RHOBTB1: variants seen among roughly 807,000 people sequenced by gnomAD.
RHOBTB1 encodes the protein Rho related BTB domain containing 1.
In RHOBTB1, 40 loss-of-function variants were observed where a neutral mutation model predicts 71.6. The observed-to-expected ratio is 0.56, with a 90% CI of 0.43 to 0.73. The LOEUF is 0.73. Among genes scored for constraint, RHOBTB1 ranks in the 30% least tolerant of loss-of-function variants. The pLI is 0.00. For synonymous variants in RHOBTB1, 319 were observed against 334.9 expected (o/e 0.95, Z 0.52); for missense variants, 797 against 894.0 (o/e 0.89, Z 1.38).
intron 2 of RHOBTB1, among the ~76,000 whole-genome samples, chr10:60,974,911 T>G (rs1440646776): frequency 6.6e-6 from 1 of 151,604 alleles, no homozygotes; most frequent in African/African-American, 2.4e-5. Context: ...GATGACTGTA[T>G]TTTTTATAAG....
At chr10:60,989,978 CTTT>C (rs769184320) in intron 1 of RHOBTB1, among the ~76,000 whole-genome samples, 13 of 122,294 alleles carry the variant, frequency 1.1e-4, no homozygotes, top group African/African-American at 2.9e-4. Flanking sequence ...TCAGAATGTC[CTTT>C]TTTTTTTTTT....
chr10:60,965,563 T>C lies in RHOBTB1; in HGVS notation c.-62+20282A>G, dbSNP rs374771775. On this transcript the variant is annotated intron_variant, in intron 2 of 11. Transcript: ENST00000357917. ...GTAAGAGAATTAATTGGTGTGCCTT[T>C]TGTGAGTAATGTGCTCTTTGATTCT... Among the ~76,000 whole-genome samples the C allele has an allele frequency of 5.2e-3, 785 of 152,230 alleles. 1 individual carries two copies. Among genetic ancestry groups the C allele is most frequent in the Non-Finnish European group, 7.0e-3 (479 of 67,986 alleles).
chr10:60,936,674 G>A (rs2084603177), intron 2 of RHOBTB1, among the ~76,000 whole-genome samples: 1 of 152,144 alleles, frequency 6.6e-6, no homozygotes, highest in Admixed American at 6.5e-5. Context: ...GCATCAATGG[G>A]GAACTTGTTA....
intron 2 of RHOBTB1, among the ~76,000 whole-genome samples, chr10:60,933,958 T>C (rs1424547088): frequency 6.6e-6 from 1 of 152,206 alleles, no homozygotes; most frequent in East Asian, 1.9e-4. Flanking sequence ...GAGATATAGA[T>C]ATACTAAAAT....
chr10:60,982,405 G>C (rs748230289), intron 2 of RHOBTB1, among the ~76,000 whole-genome samples: 2 of 152,118 alleles, frequency 1.3e-5, no homozygotes, highest in Non-Finnish European at 2.9e-5. Context: ...TAAGATTTTT[G>C]AGGGTGTATT....
rs930347902 is a variant in RHOBTB1 at position 60,869,697 on chromosome 10, C to A, written c.*1785G>T. The A allele has an allele frequency of 6.6e-6, 1 of 152,632 alleles. No homozygotes were observed. The highest frequency in any genetic ancestry group is 1.5e-5 in the Non-Finnish European group (1 of 68,046). 9.5% of individuals were successfully genotyped at this position (152,632 alleles called of 1,614,324 possible). On this transcript the variant is annotated 3_prime_UTR_variant, in exon 11 of 11. Coordinates refer to ENST00000337910, the MANE Select transcript of RHOBTB1 (RefSeq NM_014836.5). ...TACTCATTGAAAACTCATCTTCTACCATTTTATGGTGGGATACATGTCAAT... is the reference window on the plus strand; with the variant it reads ...TACTCATTGAAAACTCATCTTCTACAATTTTATGGTGGGATACATGTCAAT...
chr10:60,873,262 T>C (rs2132204423), intron 9 of RHOBTB1, among the ~76,000 whole-genome samples: 1 of 152,322 alleles, frequency 6.6e-6, no homozygotes, highest in Middle Eastern at 3.4e-3. Context: ...AGAGAACCAA[T>C]TGTGTGCATT....
chr10:60,870,651 C>T lies in RHOBTB1; in HGVS notation c.*831G>A, dbSNP rs1320538479. On this transcript the variant is annotated 3_prime_UTR_variant, in exon 11 of 11. Transcript: ENST00000337910. ...ATACTGAGAGATGTAAACCCTAATA[C>T]AGCAATCCGAACACCAGCGCACTAA... The T allele has an allele frequency of 1.3e-5, 2 of 152,292 alleles. No homozygotes were observed. Among genetic ancestry groups the T allele is most frequent in the African/African-American group, 4.8e-5 (2 of 41,446 alleles). The allele number at this position is 152,292 out of a possible 1,614,324, so 9.4% of individuals were successfully genotyped here.
At chr10:60,923,545 T>C (rs2083687630) in intron 2 of RHOBTB1, among the ~76,000 whole-genome samples, 1 of 152,208 alleles carries the variant, frequency 6.6e-6, no homozygotes, top group South Asian at 2.1e-4. Context: ...CAATCTTTCT[T>C]TGTCTTTACT....
chr10:60,896,720 T>A (rs977912785), intron 4 of RHOBTB1, among the ~76,000 whole-genome samples: 2 of 152,208 alleles, frequency 1.3e-5, no homozygotes, highest in Non-Finnish European at 2.9e-5. Context: ...AATGACTTCT[T>A]CTTTCTAAGG....
At chr10:60,996,635 A>T (rs2087062093) in intron 1 of RHOBTB1, among the ~76,000 whole-genome samples, 1 of 152,162 alleles carries the variant, frequency 6.6e-6, no homozygotes, top group Non-Finnish European at 1.5e-5. Flanking sequence ...TCTCAGGAGG[A>T]CGTCCAGAGC....
At chr10:60,989,082 G>T (rs905789152) in intron 1 of RHOBTB1, among the ~76,000 whole-genome samples, 16 of 152,080 alleles carry the variant, frequency 1.1e-4, no homozygotes, top group Non-Finnish European at 1.5e-5. Context: ...ACTGTGAAAG[G>T]CTCTGAACAC....
chr10:60,895,639 G>T (rs1429763972), intron 4 of RHOBTB1, among the ~76,000 whole-genome samples: 1 of 152,172 alleles, frequency 6.6e-6, no homozygotes, highest in Non-Finnish European at 1.5e-5. Context: ...CCCCACCTCG[G>T]GTGATCCACC....
Position 60,888,446 on chromosome 10 carries a change from G to A in RHOBTB1, c.1222C>T (p.Pro408Ser). ...TVVRMDASVQ[P>S]GPFRTLLQFL... ...TGGAGCAGGGTCCGAAAAGGGCCTG[G>A]CTGGACTGAAGCGTCCATCCTGACC... The change falls in exon 6 of 11, where the codon CCA (proline) becomes TCA (serine). Residue 408 changes from proline (P) to serine (S), a missense_variant. By Grantham distance (74) the Pro-to-Ser change is moderately conservative (BLOSUM62 -1). Around this residue, in one of 2 missense-constraint regions of RHOBTB1, gnomAD observed 658 missense variants for 681.5 expected, o/e 0.97. Transcript: ENST00000337910. The A allele has an allele frequency of 1.2e-6, 2 of 1,614,154 alleles. No homozygotes were observed. Among genetic ancestry groups the A allele is most frequent in the Non-Finnish European group, 8.5e-7 (1 of 1,180,024 alleles).
intron 2 of RHOBTB1, among the ~76,000 whole-genome samples, chr10:60,972,785 C>A (rs1423339615): frequency 6.6e-6 from 1 of 152,056 alleles, no homozygotes; most frequent in Non-Finnish European, 1.5e-5. Flanking sequence ...GATTAAATGG[C>A]AAGCTCAAGC....
chr10:60,947,053 A>T (rs2085260987), upstream of RHOBTB1, among the ~76,000 whole-genome samples: 1 of 152,236 alleles, frequency 6.6e-6, no homozygotes, highest in South Asian at 2.1e-4. Context: ...TACTTATAAA[A>T]TCTCAGACTG....
intron 4 of RHOBTB1, among the ~76,000 whole-genome samples, chr10:60,899,331 C>G (rs2082302261): frequency 6.6e-6 from 1 of 152,236 alleles, no homozygotes; most frequent in Non-Finnish European, 1.5e-5. Context: ...TCTCTTTCAA[C>G]TCCGTCTGGA....
At position 60,911,536 on chromosome 10, in the gene RHOBTB1, C is replaced by T. The variant is rs985478133; in HGVS notation, c.7G>A (p.Ala3Thr). 18 of 1,613,730 alleles carry T rather than the reference C, an allele frequency of 1.1e-5. No homozygotes were observed. Among genetic ancestry groups the T allele is most frequent in the South Asian group, 3.3e-5 (3 of 91,072 alleles). MD[A>T]DMDYERPNVE... is the part of the protein sequence containing the mutation. ...TTGGGTCTTTCGTAGTCCATGTCAG[C>T]GTCCATTTATGAAACTCTGTAAGAA... Residue 3 changes from alanine to threonine, a missense_variant, in exon 3 of 11, where the codon GCT becomes ACT. Ala to Thr is a moderately conservative substitution (Grantham distance 58). Around this residue, in one of 2 missense-constraint regions of RHOBTB1, gnomAD observed 139 missense variants for 212.5 expected, o/e 0.65. Coordinates refer to ENST00000337910, the MANE Select transcript of RHOBTB1 (RefSeq NM_014836.5).
At chr10:60,875,260 A>G (rs1352449379) in intron 8 of RHOBTB1, among the ~76,000 whole-genome samples, 1 of 152,168 alleles carries the variant, frequency 6.6e-6, no homozygotes, top group Non-Finnish European at 1.5e-5. Flanking sequence ...TGGGGACTCT[A>G]GTTCATGGCT....
Sources: gnomAD v4.1 joint callset for allele counts (sites outside exome capture counted in the v4.1 genomes callset) on GRCh38, gnomAD v4.1.1 for gene constraint, gnomAD v4.1.1 regional missense constraint, MANE v1.5 for transcripts, NCBI Gene and HGNC (gene_info 2026-07-23, HGNC 2026-07-21) for gene names.